PLAGL1: variants seen among roughly 807,000 people sequenced by gnomAD.
PLAGL1 encodes zinc finger protein PLAGL1.
Under a neutral mutation model 4.6 loss-of-function variants are expected in PLAGL1, and 1 was observed. The observed-to-expected ratio is 0.22, with a 90% CI of 0.08 to 1.03. The LOEUF is 1.03. Among genes scored for constraint, PLAGL1 ranks in the 50% least tolerant of loss-of-function variants. The pLI is 0.58. For synonymous variants in PLAGL1, 240 were observed against 237.8 expected (o/e 1.01, Z -0.08); for missense variants, 464 against 570.4 (o/e 0.81, Z 1.90).
rs1298586402 is a variant in PLAGL1, at chr6:143,979,429, TTTTC to T, written c.-544+5702_-544+5705del. Among the ~76,000 whole-genome samples the T allele has an allele frequency of 1.3e-5, 2 of 152,124 alleles. No individual in the cohort carries two copies. Among genetic ancestry groups the T allele is most frequent in the Non-Finnish European group, 2.9e-5 (2 of 67,970 alleles). On this transcript the variant is annotated intron_variant, in intron 2 of 7. Transcript: ENST00000674357. This position sits in a 1 kb window ranked among gnomAD's most constrained non-coding sequence, Gnocchi z 4.6. ...AATTGCCTCAATTATTCTTTGTTCC[TTTTC>T]TTTCTTCTTTTGAATTGATTATTTT...
chr6:143,995,183 CACA>C lies in PLAGL1; in HGVS notation c.-583-10012_-583-10010del, dbSNP rs1245085522. ...GTTGGAACAATTAAATAAAATGATT[CACA>C]ACAAGTGGTCAACACAGAAAATATT... On this transcript the variant is annotated intron_variant, in intron 1 of 7. Coordinates refer to ENST00000674357, the MANE Select transcript of PLAGL1 (RefSeq NM_001317162.2). This position sits in a 1 kb window ranked among gnomAD's most constrained non-coding sequence, Gnocchi z 4.4. Among the ~76,000 whole-genome samples the C allele has an allele frequency of 3.3e-5, 5 of 152,146 alleles. No individual in the cohort carries two copies. Among genetic ancestry groups the C allele is most frequent in the African/African-American group, 1.2e-4 (5 of 41,434 alleles).
rs1787447232 is a variant in PLAGL1, at chr6:143,979,581, G to C, written c.-544+5554C>G. Among the ~76,000 whole-genome samples, 1 of 152,072 alleles carries C rather than the reference G, an allele frequency of 6.6e-6. No homozygotes were observed. Among genetic ancestry groups the C allele is most frequent in the African/African-American group, 2.4e-5 (1 of 41,504 alleles). On this transcript the variant is annotated intron_variant, in intron 2 of 7. Coordinates refer to ENST00000674357, the MANE Select transcript of PLAGL1 (RefSeq NM_001317162.2). The surrounding 1 kb of genome is among the most constrained non-coding windows in gnomAD (Gnocchi z 4.6). The stretch of plus-strand genomic sequence containing the variant: ...TCCAAGGGATATACCAGTTCATGTA[G>C]AGTATAAAAACTTTATAGTTATATT...
chr6:144,023,364 A>C (rs1167015113), intron 1 of PLAGL1, among the ~76,000 whole-genome samples: 1 of 152,168 alleles, frequency 6.6e-6, no homozygotes, highest in Non-Finnish European at 1.5e-5. Context: ...ATTTTATAGC[A>C]CAAAGGGTAA....
At chr6:144,013,016 A>C (rs186184271), upstream of PLAGL1, among the ~76,000 whole-genome samples, 2 of 152,368 alleles carry the variant, frequency 1.3e-5, no homozygotes, top group Non-Finnish European at 2.9e-5. This position sits in a 1 kb window ranked among gnomAD's most constrained non-coding sequence, Gnocchi z 4.4. Context: ...AACACTGCAG[A>C]GGCCACATGA....
chr6:143,978,514 T>C lies in PLAGL1; in HGVS notation c.-544+6621A>G, dbSNP rs1787205569. Among the ~76,000 whole-genome samples the C allele has an allele frequency of 6.6e-6, 1 of 152,222 alleles. No individual in the cohort carries two copies. The highest frequency in any genetic ancestry group is 1.5e-5 in the Non-Finnish European group (1 of 68,028). On this transcript the variant is annotated intron_variant, in intron 2 of 7. Coordinates refer to ENST00000674357, the MANE Select transcript of PLAGL1 (RefSeq NM_001317162.2). This position sits in a 1 kb window ranked among gnomAD's most constrained non-coding sequence, Gnocchi z 4.6. ...AGTATTAACTTTTAGTTTAATTCTG[T>C]AGTCTCAGAAAGTATTTTGTATGGT... is the stretch of plus-strand genomic sequence containing the variant.
In PLAGL1 at chr6:143,972,386, C is replaced by G. The variant is rs1019255316; in HGVS notation, c.-543-3408G>C. 6.6e-6 allele frequency among the ~76,000 whole-genome samples: 1 copy of G among 152,140 alleles called. No homozygotes were observed. The highest frequency in any genetic ancestry group is 2.4e-5 in the African/African-American group (1 of 41,428). On this transcript the variant is annotated intron_variant, in intron 2 of 7. Coordinates refer to ENST00000674357, the MANE Select transcript of PLAGL1 (RefSeq NM_001317162.2). The surrounding 1 kb of genome is among the most constrained non-coding windows in gnomAD (Gnocchi z 6.8). ...CATAAATTCTTCCTGGGAAATCAAG[C>G]AAGTGAGGGGAGATGTGAAAGAAGG...
chr6:143,970,045 C>T lies in PLAGL1; in HGVS notation c.-543-1067G>A, dbSNP rs9496829. 0.69 allele frequency among the ~76,000 whole-genome samples: 105,207 copies of T among 152,068 alleles called. 37,020 individuals are homozygous for T. The highest frequency in any genetic ancestry group is 0.86 in the East Asian group (4,456 of 5,184). On this transcript the variant is annotated intron_variant, in intron 2 of 7. Transcript: ENST00000674357. The surrounding 1 kb of genome is among the most constrained non-coding windows in gnomAD (Gnocchi z 5.8). ...AACTTAAACCCATCAACCCTCACCT[C>T]CACAGATATAAATTCATTACTGATT...
intron 1 of PLAGL1, among the ~76,000 whole-genome samples, chr6:144,044,257 T>G (rs1797957706): frequency 1.3e-5 from 2 of 152,238 alleles, no homozygotes; most frequent in African/African-American, 4.8e-5. Context: ...CTAATTCTTT[T>G]AACTGTGATG....
chr6:143,974,326 C>T (rs1223478640), intron 2 of PLAGL1, among the ~76,000 whole-genome samples: 1 of 151,472 alleles, frequency 6.6e-6, no homozygotes, highest in Non-Finnish European at 1.5e-5. Context: ...GGTATGAACC[C>T]ACTCGGTGAG....
chr6:143,989,200 AAT>A lies in PLAGL1; in HGVS notation c.-583-4028_-583-4027del, dbSNP rs1361004525. ...GGGGACATTAAAAACGCACAGAAAC[AAT>A]AGAGTGGAAAGGCTACTACAGTAGA... is the stretch of plus-strand genomic sequence containing the variant. On this transcript the variant is annotated intron_variant, in intron 1 of 7. Transcript: ENST00000674357. The surrounding 1 kb of genome is among the most constrained non-coding windows in gnomAD (Gnocchi z 4.8). Among the ~76,000 whole-genome samples, 1 of 152,180 alleles carries A rather than the reference AAT, an allele frequency of 6.6e-6. No homozygotes were observed. Among genetic ancestry groups the A allele is most frequent in the African/African-American group, 2.4e-5 (1 of 41,436 alleles).
upstream of PLAGL1, among the ~76,000 whole-genome samples, chr6:144,012,675 T>A (rs956283920): frequency 8.5e-5 from 13 of 152,172 alleles, no homozygotes; most frequent in African/African-American, 3.1e-4. This position sits in a 1 kb window ranked among gnomAD's most constrained non-coding sequence, Gnocchi z 4.8. Flanking sequence ...TCCACAGTGG[T>A]CTCTTTGAAC....
rs1302430683 is a variant in PLAGL1, at chr6:143,971,857, A to C, written c.-543-2879T>G. ...AAAGTCTACAAAATTCTAAATGAAA[A>C]GTTTTTTCATCTCATTAATGGAAAT... is the stretch of plus-strand genomic sequence containing the variant. On this transcript the variant is annotated intron_variant, in intron 2 of 7. Coordinates refer to ENST00000674357, the MANE Select transcript of PLAGL1 (RefSeq NM_001317162.2). This position sits in a 1 kb window ranked among gnomAD's most constrained non-coding sequence, Gnocchi z 4.7. Among the ~76,000 whole-genome samples, 1 of 152,210 alleles carries C rather than the reference A, an allele frequency of 6.6e-6. No homozygotes were observed. Among genetic ancestry groups the C allele is most frequent in the East Asian group, 1.9e-4 (1 of 5,206 alleles).
intron 1 of PLAGL1, among the ~76,000 whole-genome samples, chr6:144,032,284 C>CTTT (rs11288479): frequency 1.8e-5 from 2 of 113,440 alleles, no homozygotes; most frequent in Non-Finnish European, 3.6e-5. Flanking sequence ...CCACACCTGG[C>CTTT]TTTTTTTTTT....
At chr6:143,991,566 C>T (rs768484023) in intron 1 of PLAGL1, among the ~76,000 whole-genome samples, 1 of 152,206 alleles carries the variant, frequency 6.6e-6, no homozygotes, top group Non-Finnish European at 1.5e-5. Context: ...CAGCACTGCC[C>T]TTAACCCAGG....
rs912663834 is a variant in PLAGL1, at chr6:143,979,389, T to C, written c.-544+5746A>G. On this transcript the variant is annotated intron_variant, in intron 2 of 7. Transcript: ENST00000674357. This position sits in a 1 kb window ranked among gnomAD's most constrained non-coding sequence, Gnocchi z 4.6. The stretch of plus-strand genomic sequence containing the variant: ...ATGATTAGGCTGAAATGTACGATCT[T>C]GTTATTTGTTGTCTAATTGCCTCAA... 3.3e-5 allele frequency among the ~76,000 whole-genome samples: 5 copies of C among 152,132 alleles called. No homozygotes were observed. The highest frequency in any genetic ancestry group is 2.9e-5 in the Non-Finnish European group (2 of 67,968).
rs1394305295 is a variant in PLAGL1, at chr6:143,954,571, C to T, written c.-325+5898G>A. ...TAATCCAGAGACTAACATTCATTGA[C>T]TAAATGGTTAAAATATGTATCATTT... On this transcript the variant is annotated intron_variant, in intron 6 of 7. Transcript: ENST00000674357. This position sits in a 1 kb window ranked among gnomAD's most constrained non-coding sequence, Gnocchi z 5.1. Among the ~76,000 whole-genome samples, 1 of 152,092 alleles carries T rather than the reference C, an allele frequency of 6.6e-6. No individual in the cohort carries two copies. The highest frequency in any genetic ancestry group is 2.4e-5 in the African/African-American group (1 of 41,386).
chr6:144,010,688 T>A (rs1416923282), upstream of PLAGL1, among the ~76,000 whole-genome samples: 1 of 152,202 alleles, frequency 6.6e-6, no homozygotes, highest in African/African-American at 2.4e-5. The surrounding 1 kb of genome is among the most constrained non-coding windows in gnomAD (Gnocchi z 4.1). Context: ...GGCATTACAC[T>A]ACCTGACTTC....
upstream of PLAGL1, among the ~76,000 whole-genome samples, chr6:144,009,684 A>G (rs1795001375): frequency 7.4e-6 from 1 of 134,806 alleles, no homozygotes; most frequent in Non-Finnish European, 1.7e-5. Flanking sequence ...CCACTCCCCA[A>G]CAGGCCCCAG....
intron 6 of PLAGL1, among the ~76,000 whole-genome samples, chr6:143,956,587 C>T (rs1782191801): frequency 1.3e-5 from 2 of 152,210 alleles, no homozygotes. Context: ...GTTATCTCTT[C>T]TACTAGAAGA....
Sources: gnomAD v4.1 joint callset for allele counts (sites outside exome capture counted in the v4.1 genomes callset) on GRCh38, gnomAD v4.1.1 for gene constraint, Gnocchi (gnomAD v3.1) non-coding constraint, MANE v1.5 for transcripts, NCBI Gene and HGNC (gene_info 2026-07-23, HGNC 2026-07-21) for gene names.